The following NLGN1 variants were observed in gnomAD, a reference collection of about 807,000 sequenced individuals.
The protein encoded by NLGN1 is neuroligin 1.
A neutral mutation model predicts 65.5 loss-of-function variants in NLGN1; 12 were observed. That is an observed-to-expected ratio of 0.18 (90% CI 0.12 to 0.30). The LOEUF (loss-of-function observed/expected upper bound fraction) is 0.30. NLGN1 is among the 10% of genes least tolerant of loss of function. The probability of loss-of-function intolerance (pLI) is 1.00; values close to 1 mark genes in which losing one functional copy is unlikely to be tolerated. For missense variants in NLGN1, 750 were observed against 1,007.1 expected (o/e 0.74, Z 3.46); for synonymous variants, 350 against 359.5 (o/e 0.97, Z 0.30).
chr3:174,001,281 C>T (rs1028207992), intron 4 of NLGN1, among the ~76,000 whole-genome samples: 26 of 150,016 alleles, frequency 1.7e-4, no homozygotes, highest in Admixed American at 1.3e-4. Context: ...AGAGGGTCAG[C>T]GAGAGGGAGA....
intron 4 of NLGN1, among the ~76,000 whole-genome samples, chr3:174,034,057 A>G (rs537887346): frequency 1.7e-4 from 26 of 152,252 alleles, no homozygotes; most frequent in African/African-American, 5.3e-4. Context: ...CAAAATCTAG[A>G]AAGAAGCCAG....
intron 4 of NLGN1, among the ~76,000 whole-genome samples, chr3:174,052,557 A>G (rs1735142758): frequency 6.6e-6 from 1 of 152,012 alleles, no homozygotes; most frequent in Non-Finnish European, 1.5e-5. Flanking sequence ...AATGCACTGA[A>G]TACTGATATA....
At chr3:173,951,508 G>A (rs941561668) in intron 4 of NLGN1, among the ~76,000 whole-genome samples, 3 of 150,762 alleles carry the variant, frequency 2.0e-5, no homozygotes, top group Non-Finnish European at 4.4e-5. Flanking sequence ...TGTCGCCCAG[G>A]CTGGAGTGCA....
chr3:173,647,764 A>G (rs1394434506), intron 3 of NLGN1, among the ~76,000 whole-genome samples: 1 of 152,136 alleles, frequency 6.6e-6, no homozygotes, highest in Non-Finnish European at 1.5e-5. Flanking sequence ...TGAAACTATT[A>G]TAGAAGAATA....
At chr3:174,044,879 T>C (rs9865115) in intron 4 of NLGN1, among the ~76,000 whole-genome samples, 4,224 of 152,224 alleles carry the variant, frequency 0.028, 188 homozygotes, top group African/African-American at 0.091. Flanking sequence ...AATGATCTTA[T>C]AAGGGGTTTC....
chr3:174,088,533 G>A (rs1227134401), intron 4 of NLGN1, among the ~76,000 whole-genome samples: 4 of 152,008 alleles, frequency 2.6e-5, no homozygotes, highest in Admixed American at 6.6e-5. Flanking sequence ...GAGGCAGGCG[G>A]ATCACGAGGT....
chr3:173,806,645 G>A (rs1255028530), intron 3 of NLGN1, among the ~76,000 whole-genome samples: 3 of 151,916 alleles, frequency 2.0e-5, no homozygotes, highest in Non-Finnish European at 2.9e-5. Flanking sequence ...TATATAATAC[G>A]TAGATAGAAC....
chr3:174,226,098 C>G (rs1414232905), intron 4 of NLGN1, among the ~76,000 whole-genome samples: 1 of 151,918 alleles, frequency 6.6e-6, no homozygotes, highest in Non-Finnish European at 1.5e-5. Flanking sequence ...AGTTATGCCT[C>G]AGATCATCAA....
chr3:173,662,275 A>T (rs1761034914), intron 3 of NLGN1, among the ~76,000 whole-genome samples: 1 of 152,020 alleles, frequency 6.6e-6, no homozygotes, highest in Non-Finnish European at 1.5e-5. Flanking sequence ...TACATACGGC[A>T]GTAATAATGA....
At chr3:173,524,546 G>C (rs1402926391) in intron 2 of NLGN1, among the ~76,000 whole-genome samples, 1 of 152,164 alleles carries the variant, frequency 6.6e-6, no homozygotes, top group Non-Finnish European at 1.5e-5. Context: ...TAATCAGGAT[G>C]TCTTTTATTT....
At chr3:173,567,779 A>G (rs1391057130) in intron 2 of NLGN1, among the ~76,000 whole-genome samples, 1 of 151,996 alleles carries the variant, frequency 6.6e-6, no homozygotes, top group East Asian at 1.9e-4. Flanking sequence ...TTTGGATTGA[A>G]TTTCTAGAGG....
At chr3:174,182,142 T>C (rs991033413) in intron 4 of NLGN1, among the ~76,000 whole-genome samples, 3 of 152,076 alleles carry the variant, frequency 2.0e-5, no homozygotes, top group African/African-American at 7.2e-5. Context: ...CCTACCAATC[T>C]TTTTTTCTAA....
At chr3:173,648,933 G>T (rs888632046) in intron 3 of NLGN1, among the ~76,000 whole-genome samples, 1 of 152,044 alleles carries the variant, frequency 6.6e-6, no homozygotes, top group Non-Finnish European at 1.5e-5. Flanking sequence ...AAGAAAGCAT[G>T]TGTCTATTAA....
intron 1 of NLGN1, among the ~76,000 whole-genome samples, chr3:173,421,487 AG>A (rs1308230165): frequency 6.6e-6 from 1 of 151,438 alleles, no homozygotes; most frequent in African/African-American, 2.4e-5. Context: ...TTATAGAAAA[AG>A]GATCAATTTT....
At chr3:174,158,680 T>C (rs1369546558) in intron 4 of NLGN1, among the ~76,000 whole-genome samples, 1 of 149,858 alleles carries the variant, frequency 6.7e-6, no homozygotes, top group Non-Finnish European at 1.5e-5. Flanking sequence ...GTTGGAATAG[T>C]GTTATTTTGT....
intron 4 of NLGN1, among the ~76,000 whole-genome samples, chr3:174,036,612 G>A (rs1389420467): frequency 5.1e-5 from 7 of 136,894 alleles, no homozygotes; most frequent in Non-Finnish European, 7.7e-5. Flanking sequence ...AATTTAACAT[G>A]TATTTTAAGT....
chr3:174,211,450 C>A (rs1169207559), intron 4 of NLGN1, among the ~76,000 whole-genome samples: 1 of 151,942 alleles, frequency 6.6e-6, no homozygotes, highest in Non-Finnish European at 1.5e-5. Flanking sequence ...CAGCTAGATA[C>A]AGAGTGTCGG....
At chr3:174,061,890 A>G (rs970964822) in intron 4 of NLGN1, among the ~76,000 whole-genome samples, 1 of 152,128 alleles carries the variant, frequency 6.6e-6, no homozygotes, top group Non-Finnish European at 1.5e-5. Flanking sequence ...ATGTCTCACA[A>G]GCTTACATAT....
At chr3:173,401,615 C>A (rs1459600802) in intron 1 of NLGN1, among the ~76,000 whole-genome samples, 2 of 152,042 alleles carry the variant, frequency 1.3e-5, no homozygotes, top group African/African-American at 4.8e-5. Flanking sequence ...TGTCAGCTGG[C>A]TACTTCTAGG....
Sources: gnomAD v4.1 joint callset for allele counts (sites outside exome capture counted in the v4.1 genomes callset) on GRCh38, gnomAD v4.1.1 for gene constraint, MANE v1.5 for transcripts, NCBI Gene and HGNC (gene_info 2026-07-23, HGNC 2026-07-21) for gene names.